BFAR: variants seen among roughly 807,000 people sequenced by gnomAD.
BFAR encodes RING finger protein 47.
In BFAR, 52 loss-of-function variants were observed where a neutral mutation model predicts 54.4. That is an observed-to-expected ratio of 0.96 (90% CI 0.77 to 1.21). BFAR has a LOEUF of 1.21. BFAR is among the 50% of genes most tolerant of loss of function. The pLI is 0.00. For missense variants in BFAR, 571 were observed against 534.0 expected (o/e 1.07, Z -0.68); for synonymous variants, 215 against 204.3 (o/e 1.05, Z -0.45).
chr16:14,636,170 C>CA (rs1264085674), intron 1 of BFAR, among the ~76,000 whole-genome samples: 2 of 152,206 alleles, frequency 1.3e-5, no homozygotes, highest in East Asian at 1.9e-4. Context: ...TGCCCCTCCA[C>CA]ACCTGTGGGT....
At chr16:14,650,123 AC>A (rs2151839503) in intron 4 of BFAR, 150 bp downstream of exon 4, 2 of 688,878 alleles carry the variant, frequency 2.9e-6, no homozygotes, top group Non-Finnish European at 4.4e-6. Flanking sequence ...GGAGTTCCAG[AC>A]CAGCCTGACC....
chr16:14,644,680 T>C, intron 2 of BFAR, 71 bp downstream of exon 2: 1 of 1,524,312 alleles, frequency 6.6e-7, no homozygotes, highest in South Asian at 1.2e-5. Context: ...TTTTTTTTTT[T>C]TTTTTTAACA....
Position 14,655,069 on chromosome 16 carries a change from G to A in BFAR, c.642G>A (p.Leu214=), listed in dbSNP as rs765174932. ...ATCTCCTCCTGCCCCTCTACAGGTT[G>A]CTTTTAACTTTGACAGAGGAAGAAT... ...RFLSERVNGR[L]LLTLTEEEFS... Residue 214 remains leucine (L), a synonymous_variant, in exon 5 of 8, where the codon TTG becomes TTA. Coordinates refer to ENST00000261658, the MANE Select transcript of BFAR (RefSeq NM_016561.3). 1 of 1,604,882 alleles carries A rather than the reference G, an allele frequency of 6.2e-7. No individual in the cohort carries two copies. The highest frequency in any genetic ancestry group is 8.5e-7 in the Non-Finnish European group (1 of 1,177,348).
At chr16:14,655,004 A>C (rs1960081372) in intron 4 of BFAR, 62 bp from the exon 5 acceptor site, 14 of 1,414,872 alleles carry the variant, frequency 9.9e-6, no homozygotes, top group African/African-American at 4.4e-5. Flanking sequence ...TGGAACTCTG[A>C]GTGTAGAGAG....
chr16:14,644,162 C>CAAA (rs368944439), intron 1 of BFAR, 112 bp from the exon 2 acceptor site: 87 of 504,932 alleles, frequency 1.7e-4, no homozygotes, highest in Admixed American at 2.6e-4. Context: ...GACTGTGTCT[C>CAAA]AAAAAAAAAA....
chr16:14,655,091 G>T lies in BFAR; in HGVS notation c.664G>T (p.Glu222Ter). The T allele has an allele frequency of 1.2e-6, 2 of 1,609,640 alleles. No individual in the cohort carries two copies. The highest frequency in any genetic ancestry group is 1.7e-6 in the Non-Finnish European group (2 of 1,178,582). Residue 222 changes from glutamate (E) to a stop codon, truncating the protein, a stop_gained, in exon 5 of 8, where the codon GAA becomes TAA. Transcript: ENST00000261658. LOFTEE classifies it high-confidence loss of function. ...GTTGCTTTTAACTTTGACAGAGGAA[G>T]AATTTTCCAAGACGCCCTATACCAT... is the stretch of plus-strand genomic sequence containing the variant. Reference protein sequence around the residue: ...GRLLLTLTEEEFSKTPYTIEN... With the variant: ...GRLLLTLTEE
intron 5 of BFAR, 72 bp downstream of exon 5, chr16:14,655,282 G>T (rs1344570149): frequency 1.8e-6 from 2 of 1,107,566 alleles, no homozygotes; most frequent in Admixed American, 4.0e-5. Context: ...TTTAATTTCA[G>T]GGTTTTCTTT....
At chr16:14,635,946 T>A (rs1370278181) in intron 1 of BFAR, among the ~76,000 whole-genome samples, 1 of 152,144 alleles carries the variant, frequency 6.6e-6, no homozygotes, top group Non-Finnish European at 1.5e-5. Flanking sequence ...TCTCTTATGT[T>A]AATGGGAGAG....
At chr16:14,637,298 C>T (rs934132519) in intron 1 of BFAR, among the ~76,000 whole-genome samples, 3 of 152,062 alleles carry the variant, frequency 2.0e-5, no homozygotes, top group East Asian at 1.9e-4. Context: ...AACTAATAAC[C>T]GTTATTGATT....
chr16:14,648,335 A>T, intron 2 of BFAR, 53 bp from the exon 3 acceptor site: 4 of 1,465,898 alleles, frequency 2.7e-6, no homozygotes, highest in Non-Finnish European at 3.8e-6. Context: ...TGGCCTCTAA[A>T]CATGATATTT....
rs1350280120 is a variant in BFAR, at chr16:14,661,878, C to G, written c.784-14C>G. The G allele has an allele frequency of 3.7e-6, 6 of 1,613,798 alleles. No homozygotes were observed. Among genetic ancestry groups the G allele is most frequent in the Non-Finnish European group, 5.1e-6 (6 of 1,179,898 alleles). On this transcript the variant is annotated splice_polypyrimidine_tract_variant and intron_variant, in intron 5 of 7. Transcript: ENST00000261658. ...CATGGTTGTAATGTGGCCCTGTACT[C>G]TTCTCCTCTGCAGGCTGTGAACCCA...
chr16:14,633,311 C>G (rs1262085360), intron 1 of BFAR: 1 of 152,416 alleles, frequency 6.6e-6, no homozygotes, highest in Non-Finnish European at 1.5e-5. Context: ...CAGAGCCACT[C>G]CCTCCTGGGG....
chr16:14,656,486 G>A (rs901195178), intron 5 of BFAR, among the ~76,000 whole-genome samples: 34 of 146,950 alleles, frequency 2.3e-4, no homozygotes, highest in African/African-American at 7.8e-4. Context: ...TTGAGACCCT[G>A]TTTCAGAAAA....
chr16:14,634,363 A>G (rs534026225), intron 1 of BFAR, among the ~76,000 whole-genome samples: 1 of 152,276 alleles, frequency 6.6e-6, no homozygotes, highest in South Asian at 2.1e-4. Flanking sequence ...TGATGGAGAC[A>G]TTGTATTTCT....
intron 2 of BFAR, 55 bp downstream of exon 2, chr16:14,644,664 C>A: frequency 3.6e-5 from 51 of 1,398,272 alleles, no homozygotes; most frequent in Non-Finnish European, 4.3e-5. Context: ...TGGTTTCTCT[C>A]TTGCTTTTTT....
intron 6 of BFAR, 40 bp downstream of exon 6, chr16:14,662,105 TC>T (rs1960308569): frequency 6.2e-7 from 1 of 1,607,566 alleles, no homozygotes; most frequent in Non-Finnish European, 8.5e-7. Flanking sequence ...TATTCCACTG[TC>T]AAGTTATTTG....
Position 14,648,296 on chromosome 16 carries a change from T to C in BFAR, c.264-92T>C, listed in dbSNP as rs568981169. ...TCAGTTCTCCTAGGGTAGCTATATATTATTAGATGTTGACTATCAGGGCTT... is the reference window on the plus strand; with the variant it reads ...TCAGTTCTCCTAGGGTAGCTATATACTATTAGATGTTGACTATCAGGGCTT... On this transcript the variant is annotated intron_variant, in intron 2 of 7. Coordinates refer to ENST00000261658, the MANE Select transcript of BFAR (RefSeq NM_016561.3). The C allele has an allele frequency of 3.2e-4, 307 of 954,398 alleles. 4 individuals carry two copies. The South Asian group carries it at 4.1e-3, about 13-fold the overall frequency. 59.1% of individuals were successfully genotyped at this position (954,398 alleles called of 1,614,324 possible).
intron 6 of BFAR, among the ~76,000 whole-genome samples, chr16:14,663,486 C>T (rs943447131): frequency 2.0e-5 from 3 of 152,078 alleles, no homozygotes; most frequent in Admixed American, 6.6e-5. Context: ...CGCCCGCCAC[C>T]ACACCCGGCT....
intron 1 of BFAR, among the ~76,000 whole-genome samples, chr16:14,636,479 G>A (rs1307380873): frequency 1.3e-5 from 2 of 152,226 alleles, no homozygotes; most frequent in Admixed American, 6.5e-5. Flanking sequence ...ACATCTCAAT[G>A]CCTTACAGAG....
Sources: allele counts gnomAD v4.1 joint callset (sites outside exome capture counted in the v4.1 genomes callset), GRCh38; gene constraint gnomAD v4.1.1; transcripts MANE v1.5; gene names NCBI Gene and HGNC (gene_info 2026-07-23, HGNC 2026-07-21).